The following TRIM69 variants were observed in gnomAD, a reference collection of about 807,000 sequenced individuals.
The protein encoded by TRIM69 is tripartite motif containing 69, also known as E3 ubiquitin-protein ligase TRIM69.
A neutral mutation model predicts 37.7 loss-of-function variants in TRIM69; 29 were observed. That is an observed-to-expected ratio of 0.77 (90% CI 0.57 to 1.05). The LOEUF is 1.05. Ranked by LOEUF, TRIM69 falls within the 50% of genes least tolerant of loss-of-function variation. TRIM69 has a pLI of 0.00. For missense variants in TRIM69, 596 were observed against 579.9 expected (o/e 1.03, Z -0.28); for synonymous variants, 209 against 212.4 (o/e 0.98, Z 0.14).
intron 6 of TRIM69, among the ~76,000 whole-genome samples, chr15:44,766,541 T>C (rs1295534043): frequency 6.6e-6 from 1 of 152,062 alleles, no homozygotes; most frequent in Non-Finnish European, 1.5e-5. Flanking sequence ...ATCTCATGTA[T>C]ATACAACTGA....
chr15:44,756,532 G>A, intron 3 of TRIM69, 69 bp downstream of exon 3: 1 of 1,038,932 alleles, frequency 9.6e-7, no homozygotes, highest in South Asian at 1.4e-5. Context: ...TCAGCTATGG[G>A]TACAAAGGTG....
At chr15:44,763,422 C>T (rs1387291203) in intron 6 of TRIM69, among the ~76,000 whole-genome samples, 1 of 152,204 alleles carries the variant, frequency 6.6e-6, no homozygotes, top group Non-Finnish European at 1.5e-5. Flanking sequence ...TTGATGTTGA[C>T]TTTAATCACC....
intron 4 of TRIM69, 144 bp from the exon 5 acceptor site, chr15:44,759,496 G>C: frequency 1.3e-6 from 1 of 784,468 alleles, no homozygotes; most frequent in South Asian, 1.7e-5. Flanking sequence ...ATGAAGATTA[G>C]AAAAAGTGTA....
chr15:44,745,012 C>T (rs1187656186), intron 1 of TRIM69, among the ~76,000 whole-genome samples: 3 of 150,206 alleles, frequency 2.0e-5, no homozygotes, highest in African/African-American at 7.4e-5. Flanking sequence ...TTGAAAAGTA[C>T]CCACATATTC....
At chr15:44,738,068 T>C (rs1383663421) in intron 1 of TRIM69, among the ~76,000 whole-genome samples, 1 of 99,510 alleles carries the variant, frequency 1.0e-5, no homozygotes, top group Non-Finnish European at 2.2e-5. Flanking sequence ...TTTTTTTTTT[T>C]TTTTTTTTAG....
At chr15:44,741,552 A>G (rs2087286021) in intron 1 of TRIM69, among the ~76,000 whole-genome samples, 1 of 152,224 alleles carries the variant, frequency 6.6e-6, no homozygotes, top group Non-Finnish European at 1.5e-5. Context: ...AGGATCAACA[A>G]AATTGATAGA....
chr15:44,745,790 G>T (rs1566890460), intron 1 of TRIM69, among the ~76,000 whole-genome samples: 1 of 152,090 alleles, frequency 6.6e-6, no homozygotes, highest in African/African-American at 2.4e-5. Context: ...GTTCAAATCA[G>T]ATTTGAGCAG....
intron 1 of TRIM69, chr15:44,753,211 G>A (rs1002090941): frequency 6.6e-6 from 1 of 152,016 alleles, no homozygotes; most frequent in Non-Finnish European, 1.5e-5. Flanking sequence ...TGTAGATTAA[G>A]ACTACTAGAC....
chr15:44,741,901 G>T (rs2087295922), intron 1 of TRIM69, among the ~76,000 whole-genome samples: 1 of 152,160 alleles, frequency 6.6e-6, no homozygotes, highest in Non-Finnish European at 1.5e-5. Flanking sequence ...AGGAGGAACT[G>T]GTACCATTCC....
rs777880288 is a variant in TRIM69 at position 44,761,652 on chromosome 15, A to T, written c.961+1780A>T. Among the ~76,000 whole-genome samples, 7 of 152,234 alleles carry T rather than the reference A, an allele frequency of 4.6e-5. No homozygotes were observed. In the South Asian group the frequency reaches 1.5e-3, roughly 32 times the overall value. ...GCTAATTTTTGTATTTTTAGTAGAG[A>T]TGAGGTTTTGCCATGTTGGCCAGGC... On this transcript the variant is annotated intron_variant, in intron 6 of 6. Coordinates refer to ENST00000329464, the MANE Select transcript of TRIM69 (RefSeq NM_182985.5).
chr15:44,739,978 C>CG (rs2087246036), intron 1 of TRIM69, among the ~76,000 whole-genome samples: 1 of 151,902 alleles, frequency 6.6e-6, no homozygotes, highest in Admixed American at 6.6e-5. Flanking sequence ...TGGGAGGCAC[C>CG]CCCAAGTAGG....
At chr15:44,739,405 G>A (rs1037870234) in intron 1 of TRIM69, among the ~76,000 whole-genome samples, 17 of 152,234 alleles carry the variant, frequency 1.1e-4, no homozygotes, top group South Asian at 2.1e-4. Context: ...CGCACCGTGC[G>A]TGAGCCGAAG....
intron 1 of TRIM69, among the ~76,000 whole-genome samples, chr15:44,742,063 C>G (rs1238702122): frequency 6.6e-6 from 1 of 151,032 alleles, no homozygotes; most frequent in African/African-American, 2.5e-5. Flanking sequence ...ATGCAAAAAT[C>G]CTCAATAAAA....
At chr15:44,748,847 A>G (rs928533439) in intron 1 of TRIM69, among the ~76,000 whole-genome samples, 21 of 109,314 alleles carry the variant, frequency 1.9e-4, no homozygotes, top group African/African-American at 6.3e-4. Flanking sequence ...AAAAAAAAAA[A>G]AAATTCTGGC....
intron 3 of TRIM69, 147 bp from the exon 4 acceptor site, chr15:44,758,474 G>A: frequency 8.3e-7 from 1 of 1,202,410 alleles, no homozygotes; most frequent in Non-Finnish European, 1.1e-6. Flanking sequence ...ACTCATTTTA[G>A]TATGACTGAA....
intron 1 of TRIM69, among the ~76,000 whole-genome samples, chr15:44,738,233 A>AT (rs11440122): frequency 0.87 from 124,500 of 143,598 alleles, 54,718 homozygotes; most frequent in Non-Finnish European, 0.95. Context: ...TAATTTTTGT[A>AT]TTATTATTTT....
At chr15:44,745,117 G>A (rs1336443210) in intron 1 of TRIM69, among the ~76,000 whole-genome samples, 1 of 151,652 alleles carries the variant, frequency 6.6e-6, no homozygotes, top group African/African-American at 2.4e-5. Flanking sequence ...TCTTCTCGGA[G>A]TGACTTTTAG....
intron 1 of TRIM69, among the ~76,000 whole-genome samples, chr15:44,744,596 AT>A (rs1308595165): frequency 2.0e-5 from 3 of 152,202 alleles, no homozygotes; most frequent in Non-Finnish European, 2.9e-5. Flanking sequence ...TTTAATAATA[AT>A]TAAATAAAAC....
At chr15:44,751,118 C>CTT (rs1262702362) in intron 1 of TRIM69, among the ~76,000 whole-genome samples, 1 of 144,876 alleles carries the variant, frequency 6.9e-6, no homozygotes, top group Non-Finnish European at 1.5e-5. Context: ...CCACACCTAA[C>CTT]TTTTTTTTTT....
Sources: gnomAD v4.1 joint callset for allele counts (sites outside exome capture counted in the v4.1 genomes callset) on GRCh38, gnomAD v4.1.1 for gene constraint, MANE v1.5 for transcripts, NCBI Gene and HGNC (gene_info 2026-07-23, HGNC 2026-07-21) for gene names.